PTTG1IP: variants seen among roughly 807,000 people sequenced by gnomAD.
The protein encoded by PTTG1IP is PTTG1 interacting protein, also known as pituitary tumor-transforming gene 1 protein-interacting protein.
PTTG1IP carries 16 observed loss-of-function variants against 24.4 expected under a neutral mutation model. The observed-to-expected ratio is 0.66, with a 90% CI of 0.44 to 1.00. The LOEUF is 1.00. Ranked by LOEUF, PTTG1IP falls within the 50% of genes least tolerant of loss-of-function variation. PTTG1IP has a pLI of 0.00. For missense variants in PTTG1IP, 241 were observed against 245.8 expected (o/e 0.98, Z 0.13); for synonymous variants, 89 against 96.8 (o/e 0.92, Z 0.47).
chr21:44,871,590 C>T (rs1569328438), intron 1 of PTTG1IP, among the ~76,000 whole-genome samples: 1 of 152,176 alleles, frequency 6.6e-6, no homozygotes, highest in Non-Finnish European at 1.5e-5. Context: ...TCTAAATTCA[C>T]ACAGTGTCCT....
rs551446046 is a variant in PTTG1IP at position 44,857,636 on chromosome 21, C to T, written c.278-1272G>A. Among the ~76,000 whole-genome samples the T allele has an allele frequency of 1.1e-4, 16 of 152,366 alleles. 1 individual carries two copies. Among genetic ancestry groups the T allele is most frequent in the African/African-American group, 3.8e-4 (16 of 41,584 alleles). On this transcript the variant is annotated intron_variant, in intron 3 of 5. Coordinates refer to ENST00000330938, the MANE Select transcript of PTTG1IP (RefSeq NM_004339.4). ...GGTGACACCGTCTCACCTCCAGGGG[C>T]TGGGAGTTGAACACTTGCTGCATGC...
intron 3 of PTTG1IP, among the ~76,000 whole-genome samples, chr21:44,857,465 C>A (rs980766074): frequency 6.6e-6 from 1 of 152,202 alleles, no homozygotes; most frequent in Non-Finnish European, 1.5e-5. Context: ...CCAGCCCGGG[C>A]AACACGGCAA....
chr21:44,853,751 G>T (rs1211701192), intron 5 of PTTG1IP, among the ~76,000 whole-genome samples: 1 of 152,150 alleles, frequency 6.6e-6, no homozygotes, highest in Non-Finnish European at 1.5e-5. Context: ...AGAGGGTGGG[G>T]CAAGGACAAG....
intron 2 of PTTG1IP, chr21:44,861,804 C>T: frequency 1.4e-6 from 1 of 717,538 alleles, no homozygotes; most frequent in Non-Finnish European, 2.6e-6. Context: ...CTGAAGTCTC[C>T]CAAGAACACA....
At chr21:44,873,312 C>T (rs944646834) in intron 1 of PTTG1IP, among the ~76,000 whole-genome samples, 190 bp downstream of exon 1, 18 of 152,276 alleles carry the variant, frequency 1.2e-4, no homozygotes, top group East Asian at 7.7e-4. Flanking sequence ...GCCCCAGCCG[C>T]GACGGCAGCT....
At position 44,857,458 on chromosome 21, in the gene PTTG1IP, G is replaced by T. The variant is rs570096797; in HGVS notation, c.278-1094C>A. Among the ~76,000 whole-genome samples the T allele has an allele frequency of 2.0e-5, 3 of 152,336 alleles. No homozygotes were observed. The East Asian group carries it at 5.8e-4, about 29-fold the overall frequency. On this transcript the variant is annotated intron_variant, in intron 3 of 5. Coordinates refer to ENST00000330938, the MANE Select transcript of PTTG1IP (RefSeq NM_004339.4). ...GCCGTGCCTACACTATTGCACTCCA[G>T]CCCGGGCAACACGGCAAGACACCAT...
In PTTG1IP at chr21:44,865,690, A is replaced by G. The variant is rs235283; in HGVS notation, c.116-243T>C. The G allele has an allele frequency of 6.2e-3, 3,677 of 592,142 alleles. 34 individuals are homozygous for G. Among genetic ancestry groups the G allele is most frequent in the Admixed American group, 0.012 (411 of 34,470 alleles). The allele number at this position is 592,142 out of a possible 1,614,324, so 36.7% of individuals were successfully genotyped here. ...CAAAGAGTATAAACATGCGGCTCCT[A>G]TCCACAAGGGCTCTTCTGGGAGAGA... On this transcript the variant is annotated intron_variant, in intron 1 of 5. Coordinates refer to ENST00000330938, the MANE Select transcript of PTTG1IP (RefSeq NM_004339.4).
chr21:44,861,286 C>CTT lies in PTTG1IP; in HGVS notation c.169-16_169-15insAA, dbSNP rs776852385. 5.6e-6 allele frequency: 9 copies of CTT among 1,594,292 alleles called. No homozygotes were observed. The highest frequency in any genetic ancestry group is 1.7e-4 in the Middle Eastern group (1 of 6,024). ...CACCAAAGACACTGAAAGAGACCAA[C>CTT]ATTAAGCAAGCATTAGAAACAACAG... On this transcript the variant is annotated splice_polypyrimidine_tract_variant and intron_variant, in intron 2 of 5. Transcript: ENST00000330938.
chr21:44,858,997 A>G (rs8129438), intron 3 of PTTG1IP, among the ~76,000 whole-genome samples: 14,505 of 152,218 alleles, frequency 0.095, 2,297 homozygotes, highest in African/African-American at 0.33. Flanking sequence ...TCCGTGACAC[A>G]GCAACTCCAC....
chr21:44,868,374 C>CA (rs1391730881), intron 1 of PTTG1IP, among the ~76,000 whole-genome samples: 1 of 152,192 alleles, frequency 6.6e-6, no homozygotes, highest in East Asian at 1.9e-4. Flanking sequence ...CTAGAAAGGA[C>CA]AACACCCAGC....
chr21:44,867,338 A>C (rs1256859980), intron 1 of PTTG1IP, among the ~76,000 whole-genome samples: 2 of 152,120 alleles, frequency 1.3e-5, no homozygotes, highest in Non-Finnish European at 2.9e-5. Flanking sequence ...CGCCTTCCAC[A>C]AAAGACCCTA....
chr21:44,850,353 A>G lies in PTTG1IP; in HGVS notation c.*1228T>C. On this transcript the variant is annotated 3_prime_UTR_variant, in exon 6 of 6. Transcript: ENST00000330938. The stretch of plus-strand genomic sequence containing the variant: ...CCGCACGCTGCTTTCCCTGCCACGA[A>G]GCGCTTGGTCTGCTTACTAAAGCCA... 6.6e-6 allele frequency: 1 copy of G among 152,256 alleles called. No individual in the cohort carries two copies. Among genetic ancestry groups the G allele is most frequent in the Non-Finnish European group, 1.5e-5 (1 of 68,046 alleles). The allele number at this position is 152,256 out of a possible 1,614,324, so 9.4% of individuals were successfully genotyped here.
At chr21:44,855,340 T>G in intron 4 of PTTG1IP, 84 bp from the exon 5 acceptor site, 1 of 1,431,508 alleles carries the variant, frequency 7.0e-7, no homozygotes, top group Non-Finnish European at 9.8e-7. Flanking sequence ...TGTCCCTCAG[T>G]GGGGGCGCCA....
chr21:44,865,271 TC>T (rs1263814501), intron 2 of PTTG1IP, 123 bp downstream of exon 2: 67 of 936,790 alleles, frequency 7.2e-5, no homozygotes, highest in Non-Finnish European at 1.1e-4. Context: ...CCAAAAAACA[TC>T]CCCCCAAATC....
At chr21:44,869,675 T>G (rs1450122286) in intron 1 of PTTG1IP, among the ~76,000 whole-genome samples, 2 of 152,230 alleles carry the variant, frequency 1.3e-5, no homozygotes, top group African/African-American at 2.4e-5. Flanking sequence ...TAGAGAGTGC[T>G]AAGGCAAACA....
At chr21:44,863,526 C>G (rs2083511098) in intron 2 of PTTG1IP, among the ~76,000 whole-genome samples, 1 of 152,224 alleles carries the variant, frequency 6.6e-6, no homozygotes, top group African/African-American at 2.4e-5. Flanking sequence ...CCACAATGAC[C>G]TGGGCAAGTC....
At chr21:44,859,139 T>C (rs560886362) in intron 3 of PTTG1IP, among the ~76,000 whole-genome samples, 3 of 152,266 alleles carry the variant, frequency 2.0e-5, no homozygotes, top group East Asian at 1.9e-4. Flanking sequence ...ACGAGAAAGA[T>C]AACTGGTGCA....
intron 3 of PTTG1IP, among the ~76,000 whole-genome samples, chr21:44,858,140 TGAAA>T (rs1216876465): frequency 3.9e-5 from 6 of 152,228 alleles, no homozygotes; most frequent in South Asian, 2.1e-4. Context: ...GGGAGAGGCC[TGAAA>T]GAGAGGCATC....
Position 44,873,501 on chromosome 21 carries a change from C to T in PTTG1IP, c.115+1G>A. On this transcript the variant is annotated splice_donor_variant, in intron 1 of 5. Transcript: ENST00000330938. LOFTEE classifies it high-confidence loss of function. The stretch of plus-strand genomic sequence containing the variant: ...GGCCCCGCCCGCCCCGGCGCCCTCA[C>T]CAGCTCCGGGAGGCTCCTGCGCGGC... 7.0e-7 allele frequency: 1 copy of T among 1,435,600 alleles called. No individual in the cohort carries two copies. 88.9% of individuals were successfully genotyped at this position (1,435,600 alleles called of 1,614,324 possible). A position where few individuals can be genotyped will look rare whatever the true frequency, so the allele number is the denominator to read the frequency against.
Sources: allele counts gnomAD v4.1 joint callset (sites outside exome capture counted in the v4.1 genomes callset), GRCh38; gene constraint gnomAD v4.1.1; transcripts MANE v1.5; gene names NCBI Gene and HGNC (gene_info 2026-07-23, HGNC 2026-07-21).